SLC8A1: variants seen among roughly 807,000 people sequenced by gnomAD.
The protein encoded by SLC8A1 is sodium/calcium exchanger 1.
SLC8A1 carries 18 observed loss-of-function variants against 68.3 expected under a neutral mutation model. The ratio of observed to expected loss-of-function variants is 0.26; its 90% CI spans 0.18 to 0.39. SLC8A1 has a LOEUF of 0.39. Ranked by LOEUF, SLC8A1 falls within the 10% of genes least tolerant of loss-of-function variation. SLC8A1 has a pLI of 1.00. For missense variants in SLC8A1, 985 were observed against 1,156.7 expected (o/e 0.85, Z 2.15); for synonymous variants, 475 against 415.5 (o/e 1.14, Z -1.74).
At chr2:40,462,528 G>T (rs1703410216) in intron 1 of SLC8A1, among the ~76,000 whole-genome samples, 1 of 151,574 alleles carries the variant, frequency 6.6e-6, no homozygotes, top group Non-Finnish European at 1.5e-5. Flanking sequence ...ATCAGAGCAG[G>T]CGGGGCATGG....
rs778989167 is a variant in SLC8A1, at chr2:40,115,235, C to T, written c.*18G>A. On this transcript the variant is annotated 3_prime_UTR_variant, in exon 8 of 8. Coordinates refer to ENST00000406785, the Ensembl canonical transcript of SLC8A1. ...ATATATATGTATATATATAAATTTA[C>T]TATATCTGATAGTTCCTTTAGAAGC... is the stretch of plus-strand genomic sequence containing the variant. 9 of 1,539,536 alleles carry T rather than the reference C, an allele frequency of 5.8e-6. No individual in the cohort carries two copies. In the South Asian group the frequency reaches 9.8e-5, roughly 17 times the overall value.
At chr2:40,378,305 C>T (rs1680602677) in intron 2 of SLC8A1, among the ~76,000 whole-genome samples, 1 of 152,012 alleles carries the variant, frequency 6.6e-6, no homozygotes, top group Admixed American at 6.6e-5. Flanking sequence ...AGCCTGAAGA[C>T]AAGAAGGGAG....
intron 6 of SLC8A1, among the ~76,000 whole-genome samples, chr2:40,158,313 G>A (rs423573): frequency 0.15 from 22,240 of 152,038 alleles, 1,833 homozygotes; most frequent in African/African-American, 0.2. Context: ...TAATCATAAA[G>A]ACAAATACTC....
At chr2:40,378,363 A>G (rs1454784749) in intron 2 of SLC8A1, among the ~76,000 whole-genome samples, 4 of 152,120 alleles carry the variant, frequency 2.6e-5, no homozygotes, top group Non-Finnish European at 5.9e-5. Context: ...CAGAAGGATG[A>G]AGAAATGCAA....
intron 1 of SLC8A1, among the ~76,000 whole-genome samples, chr2:40,448,678 G>A (rs1325978241): frequency 6.6e-6 from 1 of 152,202 alleles, no homozygotes; most frequent in Non-Finnish European, 1.5e-5. Context: ...TTTGCCACAA[G>A]AGGGAGCAGT....
intron 1 of SLC8A1, among the ~76,000 whole-genome samples, chr2:40,449,881 A>C (rs1381652914): frequency 6.6e-6 from 1 of 152,060 alleles, no homozygotes; most frequent in Non-Finnish European, 1.5e-5. Context: ...TTTTTCTAGG[A>C]ATTAATCATT....
At chr2:40,172,750 G>T (rs1440137018) in intron 4 of SLC8A1, among the ~76,000 whole-genome samples, 1 of 152,048 alleles carries the variant, frequency 6.6e-6, no homozygotes, top group Non-Finnish European at 1.5e-5. Flanking sequence ...AGACTCTCCT[G>T]GCCAACATGG....
At chr2:40,283,566 TC>T (rs543128767) in intron 2 of SLC8A1, among the ~76,000 whole-genome samples, 51 of 152,212 alleles carry the variant, frequency 3.4e-4, no homozygotes, top group South Asian at 1.7e-3. Flanking sequence ...GACAACCCTT[TC>T]CAAAATTACG....
At chr2:40,290,337 G>C (rs2069079470) in intron 2 of SLC8A1, among the ~76,000 whole-genome samples, 1 of 151,680 alleles carries the variant, frequency 6.6e-6, no homozygotes, top group Admixed American at 6.6e-5. Flanking sequence ...TCTTCTAGTT[G>C]ACCCATATAT....
At chr2:40,182,376 A>C (rs1324220083) in intron 2 of SLC8A1, among the ~76,000 whole-genome samples, 1 of 152,162 alleles carries the variant, frequency 6.6e-6, no homozygotes, top group Non-Finnish European at 1.5e-5. Flanking sequence ...TACTATAAAA[A>C]CTGTGGTTTC....
intron 2 of SLC8A1, among the ~76,000 whole-genome samples, chr2:40,355,483 A>C (rs1245624744): frequency 6.6e-6 from 1 of 152,142 alleles, no homozygotes; most frequent in Non-Finnish European, 1.5e-5. Flanking sequence ...TGGGAGAGAC[A>C]GCACTTCTAT....
intron 2 of SLC8A1, among the ~76,000 whole-genome samples, chr2:40,371,476 A>G (rs891705466): frequency 2.6e-5 from 4 of 152,062 alleles, no homozygotes; most frequent in Admixed American, 2.0e-4. Flanking sequence ...CTTGACTACA[A>G]TGTTACCAAG....
At chr2:40,249,192 T>C (rs765415936) in intron 2 of SLC8A1, among the ~76,000 whole-genome samples, 3 of 152,210 alleles carry the variant, frequency 2.0e-5, no homozygotes, top group Admixed American at 6.5e-5. Context: ...TTTGATGTTA[T>C]ATCTCTCAGA....
At chr2:40,215,202 C>G (rs1234626296) in intron 2 of SLC8A1, among the ~76,000 whole-genome samples, 1 of 152,086 alleles carries the variant, frequency 6.6e-6, no homozygotes, top group Non-Finnish European at 1.5e-5. Flanking sequence ...GGATCTTACT[C>G]TGTCTCAGGC....
At chr2:40,474,487 T>C (rs912089557) in intron 1 of SLC8A1, among the ~76,000 whole-genome samples, 3 of 152,158 alleles carry the variant, frequency 2.0e-5, no homozygotes, top group African/African-American at 4.8e-5. Flanking sequence ...AAGGTTTTAA[T>C]GTCAGCTTCC....
intron 4 of SLC8A1, among the ~76,000 whole-genome samples, chr2:40,168,003 C>G (rs1385157299): frequency 6.6e-6 from 1 of 152,170 alleles, no homozygotes; most frequent in Non-Finnish European, 1.5e-5. Context: ...TGCTGTGTGA[C>G]TCTCCAACTC....
chr2:40,125,830 G>T (rs960059816), intron 7 of SLC8A1, among the ~76,000 whole-genome samples: 3 of 152,168 alleles, frequency 2.0e-5, no homozygotes, highest in Admixed American at 1.3e-4. Context: ...CTCTCAAAAT[G>T]TTCTCCTTTT....
intron 1 of SLC8A1, among the ~76,000 whole-genome samples, chr2:40,504,010 CA>C (rs2149939352): frequency 6.6e-6 from 1 of 151,940 alleles, no homozygotes; most frequent in South Asian, 2.1e-4. Flanking sequence ...CTATCCTAAG[CA>C]AAAGAACAAA....
chr2:40,285,088 A>T lies in SLC8A1; in HGVS notation c.1809-107233T>A, dbSNP rs2068101511. The stretch of plus-strand genomic sequence containing the variant: ...ACTCCAGGAACAGAGAGATGGCAGC[A>T]TTGCTTCCTTCAAGAGACATTTATT... On this transcript the variant is annotated intron_variant, in intron 2 of 7. Transcript: ENST00000406785. Among the ~76,000 whole-genome samples the T allele has an allele frequency of 2.0e-5, 3 of 152,272 alleles. No individual in the cohort carries two copies. In the South Asian group the frequency reaches 6.2e-4, roughly 32 times the overall value.
Sources: gnomAD v4.1 joint callset for allele counts (sites outside exome capture counted in the v4.1 genomes callset) on GRCh38, gnomAD v4.1.1 for gene constraint, MANE v1.5 for transcripts, NCBI Gene and HGNC (gene_info 2026-07-23, HGNC 2026-07-21) for gene names.